Variants in KIF1B observed in about 807,000 individuals in gnomAD.
The protein encoded by KIF1B is kinesin family member 1B.
Under a neutral mutation model 241.9 loss-of-function variants are expected in KIF1B, and 76 were observed. The ratio of observed to expected loss-of-function variants is 0.31; its 90% CI spans 0.26 to 0.38. KIF1B has a LOEUF of 0.38. Among genes scored for constraint, KIF1B ranks in the 10% least tolerant of loss-of-function variants. The pLI is 1.00. For missense variants in KIF1B, 1,622 were observed against 2,271.4 expected (o/e 0.71, Z 5.81); for synonymous variants, 750 against 796.7 (o/e 0.94, Z 0.99).
chr1:10,229,867 CAAAAAA>C (rs58923572), intron 1 of KIF1B, among the ~76,000 whole-genome samples: 3 of 56,454 alleles, frequency 5.3e-5, no homozygotes, highest in African/African-American at 2.8e-4. Flanking sequence ...GACTCCGTCT[CAAAAAA>C]AAAAAAAAAA....
At chr1:10,246,726 G>A (rs984470541) in intron 2 of KIF1B, among the ~76,000 whole-genome samples, 2 of 152,094 alleles carry the variant, frequency 1.3e-5, no homozygotes, top group African/African-American at 2.4e-5. Flanking sequence ...CCTGCTGGGC[G>A]ACAGAGTGAG....
chr1:10,348,036 T>C (rs944506944), intron 36 of KIF1B, among the ~76,000 whole-genome samples: 2 of 152,194 alleles, frequency 1.3e-5, no homozygotes, highest in African/African-American at 4.8e-5. Flanking sequence ...CTTTTATATG[T>C]ATTTAGAATA....
At chr1:10,232,758 A>G (rs1469631047) in intron 2 of KIF1B, among the ~76,000 whole-genome samples, 1 of 152,214 alleles carries the variant, frequency 6.6e-6, no homozygotes, top group Admixed American at 6.5e-5. Flanking sequence ...AAATATACCT[A>G]TCGAGGCTGC....
intron 45 of KIF1B, among the ~76,000 whole-genome samples, chr1:10,373,208 C>T (rs1021842615): frequency 1.3e-5 from 2 of 151,874 alleles, no homozygotes; most frequent in African/African-American, 4.8e-5. Context: ...ATCTGCCAGC[C>T]TCAGCCTCCC....
intron 38 of KIF1B, among the ~76,000 whole-genome samples, chr1:10,354,098 C>T (rs1652894210): frequency 6.6e-6 from 1 of 152,048 alleles, no homozygotes; most frequent in African/African-American, 2.4e-5. Flanking sequence ...TAATTCACGC[C>T]CAACAACAGG....
intron 28 of KIF1B, among the ~76,000 whole-genome samples, chr1:10,335,518 G>A (rs1160367072): frequency 6.6e-6 from 1 of 152,148 alleles, no homozygotes; most frequent in Admixed American, 6.5e-5. Context: ...CTCCCAAAGT[G>A]CTGGATTACA....
chr1:10,311,584 C>T (rs1185937317), intron 22 of KIF1B, among the ~76,000 whole-genome samples: 1 of 151,350 alleles, frequency 6.6e-6, no homozygotes, highest in East Asian at 1.9e-4. Context: ...TTGTTCTCCC[C>T]TCACCACCAA....
intron 15 of KIF1B, among the ~76,000 whole-genome samples, chr1:10,288,149 G>C (rs773476254): frequency 6.6e-6 from 1 of 152,188 alleles, no homozygotes; most frequent in African/African-American, 2.4e-5. Context: ...GAAAAAAGCA[G>C]TCATATGCAA....
chr1:10,297,272 G>C, intron 22 of KIF1B, 26 bp downstream of exon 22: 19 of 1,598,312 alleles, frequency 1.2e-5, no homozygotes, highest in Non-Finnish European at 1.6e-5. Context: ...CTGCTAAACT[G>C]TTGGGAAAAG....
chr1:10,349,758 T>C (rs1035517052), intron 37 of KIF1B, among the ~76,000 whole-genome samples: 1 of 152,178 alleles, frequency 6.6e-6, no homozygotes, highest in African/African-American at 2.4e-5. Context: ...GTGTAAACTT[T>C]AGAATGACAG....
At position 10,337,643 on chromosome 1, in the gene KIF1B, G is replaced by C; in HGVS notation, c.3422+110G>C. On this transcript the variant is annotated intron_variant, in intron 31 of 48. Transcript: ENST00000676179. This position sits in a 1 kb window ranked among gnomAD's most constrained non-coding sequence, Gnocchi z 4.0. ...GAGGGATTAACACTCTTGAGACAAA[G>C]ACTGATCAGTCTCTGAAGGAAAATA... The C allele has an allele frequency of 2.5e-6, 3 of 1,211,742 alleles. No homozygotes were observed. The allele number at this position is 1,211,742 out of a possible 1,614,324, so 75.1% of individuals were successfully genotyped here. A position where few individuals can be genotyped will look rare whatever the true frequency, so the allele number is the denominator to read the frequency against.
At chr1:10,282,244 C>T (rs1649441796) in intron 14 of KIF1B, 78 bp from the exon 15 acceptor site, 1 of 1,144,528 alleles carries the variant, frequency 8.7e-7, no homozygotes, top group Non-Finnish European at 1.3e-6. Context: ...CAACGATATT[C>T]CTTCCTGTCT....
chr1:10,287,573 A>G lies in KIF1B; in HGVS notation c.1435-3509A>G, dbSNP rs372055337. 1.8e-4 allele frequency among the ~76,000 whole-genome samples: 28 copies of G among 152,276 alleles called. No individual in the cohort carries two copies. In the East Asian group the frequency reaches 2.9e-3, roughly 16 times the overall value. On this transcript the variant is annotated intron_variant, in intron 15 of 48. Coordinates refer to ENST00000676179, the MANE Select transcript of KIF1B (RefSeq NM_001365951.3). ...GTTTTTAAAAATAGCTTTCTAGACA[A>G]CCTAAAAATTGCAGCTGAAAACTGT...
Position 10,313,967 on chromosome 1 carries a change from T to C in KIF1B, c.2116-6076T>C, listed in dbSNP as rs995060425. The stretch of plus-strand genomic sequence containing the variant: ...CGGAGTGCAGTGGCGAGATCTTGGC[T>C]CACTGCAACCTCTGCCTCCTGGGTT... On this transcript the variant is annotated intron_variant, in intron 22 of 48. Transcript: ENST00000676179. Among the ~76,000 whole-genome samples, 44 of 151,500 alleles carry C rather than the reference T, an allele frequency of 2.9e-4. 2 individuals are homozygous for C. The highest frequency in any genetic ancestry group is 1.1e-3 in the African/African-American group (43 of 40,788).
At chr1:10,266,867 T>G (rs1255504208) in intron 5 of KIF1B, among the ~76,000 whole-genome samples, 1 of 152,228 alleles carries the variant, frequency 6.6e-6, no homozygotes, top group East Asian at 1.9e-4. Context: ...TGTAATTACC[T>G]GTGCGTATTG....
intron 22 of KIF1B, among the ~76,000 whole-genome samples, chr1:10,308,771 C>A (rs926118259): frequency 1.1e-4 from 16 of 152,162 alleles, no homozygotes; most frequent in Non-Finnish European, 1.8e-4. Flanking sequence ...GCTTTAGCTA[C>A]CCTTTTCTGT....
Position 10,296,852 on chromosome 1 carries a change from A to C in KIF1B, c.1862-45A>C, listed in dbSNP as rs766113063. On this transcript the variant is annotated intron_variant, in intron 20 of 48. Transcript: ENST00000676179. ...TGAGGTTGTTAAATAGATACTATAT[A>C]TTAAAAAAATTATTTCTTAACCCTA... is the stretch of plus-strand genomic sequence containing the variant. 2.6e-6 allele frequency: 4 copies of C among 1,545,904 alleles called. No homozygotes were observed. The African/African-American group carries it at 5.5e-5, about 21-fold the overall frequency.
intron 44 of KIF1B, among the ~76,000 whole-genome samples, chr1:10,370,643 A>AAATAATAATAAT (rs200343928): frequency 0.017 from 2,466 of 147,934 alleles, 45 homozygotes; most frequent in African/African-American, 0.039. Flanking sequence ...TCGAGAAAGA[A>AAATAATAATAAT]AATAATAATA....
intron 27 of KIF1B, among the ~76,000 whole-genome samples, chr1:10,328,064 C>T (rs1398347298): frequency 6.6e-6 from 1 of 152,138 alleles, no homozygotes; most frequent in African/African-American, 2.4e-5. Flanking sequence ...GTGGTGCATG[C>T]CTGTAGTCCC....
Sources: gnomAD v4.1 joint callset for allele counts (sites outside exome capture counted in the v4.1 genomes callset) on GRCh38, gnomAD v4.1.1 for gene constraint, Gnocchi (gnomAD v3.1) non-coding constraint, MANE v1.5 for transcripts, NCBI Gene and HGNC (gene_info 2026-07-23, HGNC 2026-07-21) for gene names.